RBM47: variants seen among roughly 807,000 people sequenced by gnomAD.
The protein encoded by RBM47 is RNA-binding protein 47.
Under a neutral mutation model 47.1 loss-of-function variants are expected in RBM47, and 21 were observed. The observed-to-expected ratio is 0.45, with a 90% CI of 0.32 to 0.64. The LOEUF is 0.64. Ranked by LOEUF, RBM47 falls within the 30% of genes least tolerant of loss-of-function variation. The pLI, the probability that RBM47 is intolerant of heterozygous loss-of-function variation, is 0.05. For synonymous variants in RBM47, 375 were observed against 361.7 expected (o/e 1.04, Z -0.42); for missense variants, 708 against 870.9 (o/e 0.81, Z 2.35).
At chr4:40,437,018 T>C in intron 4 of RBM47, 1 of 319,336 alleles carries the variant, frequency 3.1e-6, no homozygotes, top group Non-Finnish European at 6.1e-6. Context: ...GGCGAGAGGA[T>C]GGCTTGAGCC....
chr4:40,609,711 C>T (rs1043081244), intron 1 of RBM47, among the ~76,000 whole-genome samples: 5 of 152,128 alleles, frequency 3.3e-5, no homozygotes, highest in African/African-American at 9.7e-5. Context: ...GGTTTCTTCC[C>T]GCCTCTTCAG....
chr4:40,438,087 G>T lies in RBM47; in HGVS notation c.807C>A (p.Phe269Leu), dbSNP rs1290040354. Reference protein sequence around the residue: ...EDTIKKSFGQFNPGCVERVKK... With the variant: ...EDTIKKSFGQLNPGCVERVKK... ...TGACGCGCTCCACGCAGCCGGGGTT[G>T]AACTGGCCGAAGCTCTTCTTGATGG... Residue 269 changes from phenylalanine (F) to leucine (L), a missense_variant, in exon 4 of 7, where the codon TTC (phenylalanine) becomes TTA (leucine). Phe to Leu is a conservative substitution (Grantham distance 22). Transcript: ENST00000295971. 1 of 1,613,850 alleles carries T rather than the reference G, an allele frequency of 6.2e-7. No homozygotes were observed. The highest frequency in any genetic ancestry group is 1.7e-5 in the Admixed American group (1 of 60,022).
chr4:40,473,330 T>G (rs1216052084), intron 2 of RBM47, among the ~76,000 whole-genome samples: 2 of 152,190 alleles, frequency 1.3e-5, no homozygotes, highest in Admixed American at 6.5e-5. Context: ...AAGCTGGGGT[T>G]CAAACCCCAG....
intron 3 of RBM47, among the ~76,000 whole-genome samples, chr4:40,443,122 A>T (rs1302431747): frequency 6.6e-6 from 1 of 152,162 alleles, no homozygotes. Flanking sequence ...AAATTCATAG[A>T]CAGAAAGTAG....
chr4:40,581,767 C>A (rs1359951159), intron 1 of RBM47, among the ~76,000 whole-genome samples: 1 of 151,798 alleles, frequency 6.6e-6, no homozygotes, highest in Non-Finnish European at 1.5e-5. Context: ...TGGCATCAGT[C>A]CTGCAAGAGG....
At chr4:40,437,090 A>AAAAAAAAAAAAAAATATATATATAT (rs1256296949) in intron 4 of RBM47, among the ~76,000 whole-genome samples, 2 of 49,802 alleles carry the variant, frequency 4.0e-5, no homozygotes, top group African/African-American at 1.1e-4. Context: ...AAAAAAAAAA[A>AAAAAAAAAAAAAAATATATATATAT]ATATATATAT....
intron 1 of RBM47, among the ~76,000 whole-genome samples, chr4:40,575,677 G>T (rs1732230000): frequency 6.6e-6 from 1 of 152,066 alleles, no homozygotes; most frequent in Admixed American, 6.6e-5. Flanking sequence ...ACTTTGATAA[G>T]GGCTACTGTG....
intron 3 of RBM47, among the ~76,000 whole-genome samples, chr4:40,440,626 T>TCAAG (rs1332766060): frequency 6.6e-6 from 1 of 152,210 alleles, no homozygotes; most frequent in East Asian, 1.9e-4. Flanking sequence ...TGCTCTAATA[T>TCAAG]CAAGCGGCAG....
intron 1 of RBM47, among the ~76,000 whole-genome samples, chr4:40,611,487 G>A (rs1578068062): frequency 6.6e-6 from 1 of 152,114 alleles, no homozygotes; most frequent in South Asian, 2.1e-4. Flanking sequence ...CAACACTTTG[G>A]AAGGCCACAA....
At chr4:40,472,402 C>G (rs1233630386) in intron 2 of RBM47, among the ~76,000 whole-genome samples, 2 of 151,872 alleles carry the variant, frequency 1.3e-5, no homozygotes, top group Non-Finnish European at 2.9e-5. Flanking sequence ...TGGTGAAACC[C>G]CGTCTCTGCT....
chr4:40,540,626 G>A (rs1361951448), intron 2 of RBM47, among the ~76,000 whole-genome samples: 154 of 131,796 alleles, frequency 1.2e-3, no homozygotes, highest in African/African-American at 4.4e-3. Flanking sequence ...TAACAGGAGT[G>A]AAACTCTGTC....
At chr4:40,441,222 G>A (rs1237579816) in intron 3 of RBM47, among the ~76,000 whole-genome samples, 1 of 148,212 alleles carries the variant, frequency 6.7e-6, no homozygotes, top group Non-Finnish European at 1.5e-5. Context: ...CCAGGAGTTT[G>A]AAACCTGCCT....
chr4:40,501,028 T>C (rs905823374), intron 2 of RBM47, among the ~76,000 whole-genome samples: 2 of 152,062 alleles, frequency 1.3e-5, no homozygotes, highest in East Asian at 3.9e-4. Context: ...ATGTTCTTCA[T>C]TAAGTTCCTC....
chr4:40,528,949 A>AAAATAAATAAAT (rs1553896750), intron 2 of RBM47, among the ~76,000 whole-genome samples: 15 of 88,580 alleles, frequency 1.7e-4, no homozygotes, highest in South Asian at 3.3e-4. Flanking sequence ...TCTCAAAAAA[A>AAAATAAATAAAT]AAATAAATAA....
chr4:40,498,764 T>C (rs191308908), intron 2 of RBM47, among the ~76,000 whole-genome samples: 217 of 151,952 alleles, frequency 1.4e-3, no homozygotes, highest in African/African-American at 4.0e-3. Flanking sequence ...CATTTATACA[T>C]AGCGTCTGAA....
At chr4:40,538,786 A>T (rs2154261274) in intron 2 of RBM47, among the ~76,000 whole-genome samples, 1 of 152,074 alleles carries the variant, frequency 6.6e-6, no homozygotes. Flanking sequence ...GATGTGCACC[A>T]CAACACCCAG....
intron 1 of RBM47, among the ~76,000 whole-genome samples, chr4:40,545,481 T>C (rs764507438): frequency 1.3e-5 from 2 of 149,232 alleles, no homozygotes; most frequent in Non-Finnish European, 3.0e-5. Context: ...CTGACCAATA[T>C]GGTGAAACCC....
intron 3 of RBM47, among the ~76,000 whole-genome samples, chr4:40,447,837 C>T (rs1438959651): frequency 6.6e-6 from 1 of 152,134 alleles, no homozygotes; most frequent in Non-Finnish European, 1.5e-5. Context: ...AGTGAAACCC[C>T]ATCTCTACTA....
At chr4:40,455,479 C>A (rs1342591477) in intron 3 of RBM47, 2 of 152,158 alleles carry the variant, frequency 1.3e-5, no homozygotes, top group Non-Finnish European at 2.9e-5. Flanking sequence ...AAGTACCTGG[C>A]TGGTTGGGCG....
Sources: allele counts gnomAD v4.1 joint callset (sites outside exome capture counted in the v4.1 genomes callset), GRCh38; gene constraint gnomAD v4.1.1; transcripts MANE v1.5; gene names NCBI Gene and HGNC (gene_info 2026-07-23, HGNC 2026-07-21).